NARS2: variants seen among roughly 807,000 people sequenced by gnomAD.
NARS2 encodes asparaginyl-tRNA synthetase.
A neutral mutation model predicts 62.9 loss-of-function variants in NARS2; 60 were observed. The ratio of observed to expected loss-of-function variants is 0.95; its 90% CI spans 0.77 to 1.18. The LOEUF (loss-of-function observed/expected upper bound fraction) is 1.18. Among genes scored for constraint, NARS2 ranks in the 50% most tolerant of loss-of-function variants. The probability of loss-of-function intolerance (pLI) is 0.00; values close to 1 mark genes in which losing one functional copy is unlikely to be tolerated. For missense variants in NARS2, 619 were observed against 576.4 expected, an observed-to-expected ratio of 1.07 and a Z score of -0.76; for synonymous variants, 196 against 200.0, an observed-to-expected ratio of 0.98 and a Z score of 0.17.
Position 78,559,615 on chromosome 11 carries a change from C to T in NARS2, c.518G>A (p.Ser173Asn). The change falls in exon 5 of 14, where the codon AGT becomes AAT. Residue 173 changes from serine to asparagine, a missense_variant. Ser to Asn is a conservative substitution (Grantham distance 46). Coordinates refer to ENST00000281038, the MANE Select transcript of NARS2 (RefSeq NM_024678.6). ...TAAIHSFFKD[S>N]GFVHIHTPII... ...TGGAGTATGAATATGTACAAAGCCA[C>T]TGTCCTGAAAAAGAAAACCACTGTT... 1 of 1,609,156 alleles carries T rather than the reference C, an allele frequency of 6.2e-7. No individual in the cohort carries two copies. The highest frequency in any genetic ancestry group is 8.5e-7 in the Non-Finnish European group (1 of 1,176,174).
intron 9 of NARS2, among the ~76,000 whole-genome samples, chr11:78,474,853 T>G (rs374995798): frequency 6.1e-4 from 93 of 152,352 alleles, no homozygotes; most frequent in Middle Eastern, 6.8e-3. Flanking sequence ...TTTGGTATTA[T>G]ACACTGTGGG....
chr11:78,552,880 C>T (rs1590855213), intron 5 of NARS2, among the ~76,000 whole-genome samples: 1 of 152,352 alleles, frequency 6.6e-6, no homozygotes, highest in African/African-American at 2.4e-5. Flanking sequence ...GGAAAATCAA[C>T]TTCCTAAATT....
At chr11:78,507,668 T>C (rs906421135) in intron 6 of NARS2, among the ~76,000 whole-genome samples, 5 of 151,920 alleles carry the variant, frequency 3.3e-5, no homozygotes, top group African/African-American at 9.7e-5. Context: ...TACAGGCGCC[T>C]GACACCATGC....
chr11:78,566,829 T>C (rs1422215534), intron 3 of NARS2, among the ~76,000 whole-genome samples: 4 of 152,188 alleles, frequency 2.6e-5, no homozygotes, highest in Non-Finnish European at 4.4e-5. Flanking sequence ...CATTGAAATA[T>C]GTCTACACTG....
intron 11 of NARS2, among the ~76,000 whole-genome samples, chr11:78,458,905 G>A (rs1196661675): frequency 1.3e-5 from 2 of 151,736 alleles, no homozygotes; most frequent in East Asian, 1.9e-4. Flanking sequence ...TCTGATGGTG[G>A]GTTTTTTTTT....
At chr11:78,466,521 C>CA (rs1266417378) in intron 10 of NARS2, among the ~76,000 whole-genome samples, 1 of 152,074 alleles carries the variant, frequency 6.6e-6, no homozygotes, top group Non-Finnish European at 1.5e-5. Context: ...GGCTGTGTCG[C>CA]CCAGGCTAGA....
intron 11 of NARS2, among the ~76,000 whole-genome samples, chr11:78,455,059 G>C (rs1179953060): frequency 6.6e-6 from 1 of 152,162 alleles, no homozygotes; most frequent in Non-Finnish European, 1.5e-5. Flanking sequence ...ATAAGCAAAA[G>C]TCCCATAATT....
In NARS2 at chr11:78,459,209, C is replaced by T. The variant is rs554447279; in HGVS notation, c.1164+6667G>A. On this transcript the variant is annotated intron_variant, in intron 11 of 13. Transcript: ENST00000281038. The stretch of plus-strand genomic sequence containing the variant: ...GGATTACAAGCATGAGCCACGGCGC[C>T]GGTCAATCTGATGATCTGATGGTGG... Among the ~76,000 whole-genome samples the T allele has an allele frequency of 4.7e-4, 70 of 149,952 alleles. 2 individuals are homozygous for T. The highest frequency in any genetic ancestry group is 1.7e-3 in the African/African-American group (67 of 40,372).
chr11:78,440,500 T>A (rs967537217), intron 13 of NARS2, among the ~76,000 whole-genome samples: 1 of 152,208 alleles, frequency 6.6e-6, no homozygotes, highest in East Asian at 1.9e-4. Flanking sequence ...AGTACCTAAT[T>A]CACAGGGTGG....
intron 6 of NARS2, among the ~76,000 whole-genome samples, chr11:78,501,516 C>T (rs967339638): frequency 6.6e-6 from 1 of 152,122 alleles, no homozygotes; most frequent in East Asian, 1.9e-4. Flanking sequence ...CAGGGCTCTA[C>T]CTCTGAAGAC....
At chr11:78,524,699 T>C (rs1333926684) in intron 6 of NARS2, among the ~76,000 whole-genome samples, 1 of 151,902 alleles carries the variant, frequency 6.6e-6, no homozygotes, top group Non-Finnish European at 1.5e-5. Flanking sequence ...AAAAAAAAAC[T>C]CTGTCTACTG....
At chr11:78,559,196 G>A (rs1198468176) in intron 5 of NARS2, among the ~76,000 whole-genome samples, 12 of 150,248 alleles carry the variant, frequency 8.0e-5, no homozygotes, top group Middle Eastern at 3.4e-3. Context: ...CCAGCTACTC[G>A]GGAGGCCGAG....
At chr11:78,483,422 T>A (rs1329774532) in intron 7 of NARS2, among the ~76,000 whole-genome samples, 2 of 152,156 alleles carry the variant, frequency 1.3e-5, no homozygotes, top group Admixed American at 1.3e-4. Flanking sequence ...TAAAGGGTAT[T>A]CAAATAGGAA....
intron 6 of NARS2, among the ~76,000 whole-genome samples, chr11:78,502,280 C>T (rs1175820008): frequency 2.0e-5 from 3 of 152,160 alleles, no homozygotes; most frequent in Non-Finnish European, 2.9e-5. Flanking sequence ...GCCGGAAATC[C>T]AAGACCAAAG....
At chr11:78,491,349 T>A (rs761752615) in intron 7 of NARS2, among the ~76,000 whole-genome samples, 4 of 151,732 alleles carry the variant, frequency 2.6e-5, no homozygotes, top group African/African-American at 9.7e-5. Flanking sequence ...CAGCGGGAAG[T>A]GTAAAGGGAG....
At chr11:78,469,866 C>T (rs1000792572) in intron 9 of NARS2, among the ~76,000 whole-genome samples, 2 of 151,856 alleles carry the variant, frequency 1.3e-5, no homozygotes, top group African/African-American at 4.8e-5. Context: ...AATAAGAAGG[C>T]AGAGGGGGTT....
intron 6 of NARS2, among the ~76,000 whole-genome samples, chr11:78,526,920 T>C (rs1861315802): frequency 6.6e-6 from 1 of 152,208 alleles, no homozygotes; most frequent in Admixed American, 6.5e-5. Context: ...AAAAAGGTGA[T>C]GTCCTTTCAA....
intron 6 of NARS2, among the ~76,000 whole-genome samples, chr11:78,528,296 G>T (rs1861360537): frequency 6.6e-6 from 1 of 152,078 alleles, no homozygotes. Context: ...GGATTTTAAA[G>T]GTCTTCTTTC....
At chr11:78,448,340 G>A (rs561676174) in intron 11 of NARS2, among the ~76,000 whole-genome samples, 25 of 145,104 alleles carry the variant, frequency 1.7e-4, no homozygotes, top group Non-Finnish European at 3.3e-4. Flanking sequence ...TTTTTGAGAC[G>A]GACTCTCGCT....
Sources: gnomAD v4.1 joint callset for allele counts (sites outside exome capture counted in the v4.1 genomes callset) on GRCh38, gnomAD v4.1.1 for gene constraint, MANE v1.5 for transcripts, NCBI Gene and HGNC (gene_info 2026-07-23, HGNC 2026-07-21) for gene names.